Variants in PARD3 observed in about 807,000 individuals in gnomAD.
PARD3 encodes par-3 family cell polarity regulator, also known as partitioning defective 3 homolog.
PARD3 carries 75 observed loss-of-function variants against 155.4 expected under a neutral mutation model. That is an observed-to-expected ratio of 0.48 (90% confidence interval 0.40 to 0.58). PARD3 has a LOEUF of 0.58. PARD3 is among the 20% of genes least tolerant of loss of function. The pLI, the probability that PARD3 is intolerant of heterozygous loss-of-function variation, is 0.00. For synonymous variants in PARD3, 576 were observed against 610.5 expected, an observed-to-expected ratio of 0.94 and a Z score of 0.83; for missense variants, 1,642 against 1,721.7, an observed-to-expected ratio of 0.95 and a Z score of 0.82.
At chr10:34,792,570 G>A (rs149252145) in intron 1 of PARD3, among the ~76,000 whole-genome samples, 228 of 152,278 alleles carry the variant, frequency 1.5e-3, no homozygotes, top group African/African-American at 4.9e-3. Flanking sequence ...AGCATTAGTC[G>A]TGACTGCCCT....
At chr10:34,336,164 G>T in intron 18 of PARD3, 35 bp downstream of exon 18, 1 of 1,559,298 alleles carries the variant, frequency 6.4e-7, no homozygotes, top group Non-Finnish European at 8.8e-7. Flanking sequence ...GTGGGCCATC[G>T]TTTCTATGGC....
At chr10:34,582,251 A>G (rs2087559421) in intron 2 of PARD3, among the ~76,000 whole-genome samples, 1 of 152,250 alleles carries the variant, frequency 6.6e-6, no homozygotes, top group Non-Finnish European at 1.5e-5. Context: ...CCTTAAAGAA[A>G]TGATGAGCTG....
intron 1 of PARD3, among the ~76,000 whole-genome samples, chr10:34,796,007 T>C (rs1842214396): frequency 2.0e-5 from 3 of 152,228 alleles, no homozygotes; most frequent in Non-Finnish European, 1.5e-5. Context: ...GATCTTACAC[T>C]TCAAGTTAAG....
At chr10:34,808,943 TAGGTGTGTTCC>T (rs2134407856) in intron 1 of PARD3, among the ~76,000 whole-genome samples, 1 of 152,324 alleles carries the variant, frequency 6.6e-6, no homozygotes, top group East Asian at 1.9e-4. Flanking sequence ...AGACCAAGCA[TAGGTGTGTTCC>T]AGGGCCAGAT....
At chr10:34,307,568 T>C (rs1469115262) in intron 20 of PARD3, among the ~76,000 whole-genome samples, 1 of 152,112 alleles carries the variant, frequency 6.6e-6, no homozygotes, top group Non-Finnish European at 1.5e-5. Flanking sequence ...CCTTATGACT[T>C]AGTGCTATAA....
At chr10:34,345,724 T>TC in intron 15 of PARD3, 1 of 985,210 alleles carries the variant, frequency 1.0e-6, no homozygotes, top group Admixed American at 6.1e-5. Context: ...AGTTTCCTAA[T>TC]TTTTTTGCCC....
chr10:34,767,243 A>G (rs1029722173), intron 1 of PARD3, among the ~76,000 whole-genome samples: 7 of 152,200 alleles, frequency 4.6e-5, no homozygotes, highest in African/African-American at 1.7e-4. Flanking sequence ...CAAACATGTA[A>G]GATAATTTCA....
intron 22 of PARD3, among the ~76,000 whole-genome samples, chr10:34,166,004 T>C (rs531734270): frequency 6.6e-6 from 1 of 152,384 alleles, no homozygotes; most frequent in African/African-American, 2.4e-5. Flanking sequence ...TATCGGTTAA[T>C]GCTATCGCTA....
At chr10:34,600,252 G>A (rs995185244) in intron 2 of PARD3, among the ~76,000 whole-genome samples, 8 of 152,004 alleles carry the variant, frequency 5.3e-5, no homozygotes, top group African/African-American at 1.7e-4. Context: ...AGGTTAAGGT[G>A]AAGGATCGCC....
rs12261684 is a variant in PARD3 at position 34,559,332 on chromosome 10, G to C, written c.223-42173C>G. ...ACCCATGCCTTCGGTGGAATGTCTT[G>C]GCTTCTTATTTGTAACTGTTAAGTA... On this transcript the variant is annotated intron_variant, in intron 2 of 24. Transcript: ENST00000374788. Among the ~76,000 whole-genome samples the C allele has an allele frequency of 9.0e-3, 1,374 of 151,970 alleles. 13 individuals are homozygous for C. The highest frequency in any genetic ancestry group is 0.032 in the African/African-American group (1,309 of 41,434).
At chr10:34,691,963 T>C (rs2094070353) in intron 2 of PARD3, among the ~76,000 whole-genome samples, 1 of 152,258 alleles carries the variant, frequency 6.6e-6, no homozygotes, top group Admixed American at 6.5e-5. Flanking sequence ...CTGGGCATGG[T>C]GGCCCACGCC....
chr10:34,217,370 A>C (rs775480676), intron 22 of PARD3, among the ~76,000 whole-genome samples: 1 of 152,156 alleles, frequency 6.6e-6, no homozygotes, highest in Non-Finnish European at 1.5e-5. Flanking sequence ...GGAAGGGTAC[A>C]TATCATTTTC....
chr10:34,417,166 GACTT>G (rs1845753658), intron 5 of PARD3, among the ~76,000 whole-genome samples: 1 of 150,252 alleles, frequency 6.7e-6, no homozygotes, highest in Non-Finnish European at 1.5e-5. Context: ...TGGGGAGACT[GACTT>G]AAGTTATAAC....
chr10:34,708,913 T>C (rs2094408706), intron 1 of PARD3, among the ~76,000 whole-genome samples: 1 of 152,140 alleles, frequency 6.6e-6, no homozygotes, highest in Non-Finnish European at 1.5e-5. Flanking sequence ...CATGTGATAA[T>C]AGCTTTGTGG....
intron 2 of PARD3, among the ~76,000 whole-genome samples, chr10:34,657,528 T>TTTGTTTGTTTG (rs1564469196): frequency 6.7e-6 from 1 of 150,236 alleles, no homozygotes; most frequent in African/African-American, 2.5e-5. Flanking sequence ...CTCAGTTTTG[T>TTTGTTTGTTTG]TTTGTTTGTT....
intron 22 of PARD3, among the ~76,000 whole-genome samples, chr10:34,160,976 C>T (rs1043795318): frequency 6.6e-6 from 1 of 152,142 alleles, no homozygotes; most frequent in African/African-American, 2.4e-5. Flanking sequence ...AGACTCAAGG[C>T]CAGGTGTGGT....
intron 22 of PARD3, among the ~76,000 whole-genome samples, chr10:34,194,214 G>C (rs1467076145): frequency 6.6e-6 from 1 of 152,216 alleles, no homozygotes; most frequent in Non-Finnish European, 1.5e-5. Flanking sequence ...CAAAATTTGA[G>C]TTGTGACATT....
At chr10:34,220,780 A>G (rs1331171413) in intron 22 of PARD3, among the ~76,000 whole-genome samples, 1 of 152,202 alleles carries the variant, frequency 6.6e-6, no homozygotes, top group Non-Finnish European at 1.5e-5. Flanking sequence ...AATGTGCTAC[A>G]TATTTCATAA....
chr10:34,144,770 T>C (rs1050180436), intron 22 of PARD3, among the ~76,000 whole-genome samples: 10 of 152,196 alleles, frequency 6.6e-5, no homozygotes, highest in Admixed American at 3.9e-4. Flanking sequence ...AAAATTTATA[T>C]GAAAATGATT....
Sources: allele counts gnomAD v4.1 joint callset (sites outside exome capture counted in the v4.1 genomes callset), GRCh38; gene constraint gnomAD v4.1.1; transcripts MANE v1.5; gene names NCBI Gene and HGNC (gene_info 2026-07-23, HGNC 2026-07-21).